The following CDYL variants were observed in gnomAD, a reference collection of about 807,000 sequenced individuals.
CDYL encodes chromodomain Y like.
CDYL carries 8 observed loss-of-function variants against 47.3 expected under a neutral mutation model. The ratio of observed to expected loss-of-function variants is 0.17; its 90% confidence interval spans 0.10 to 0.31. The LOEUF (loss-of-function observed/expected upper bound fraction) is 0.31, where lower values mean the gene tolerates loss of function less well. Among genes scored for constraint, CDYL ranks in the 10% least tolerant of loss-of-function variants. The pLI is 1.00. For synonymous variants in CDYL, 266 were observed against 265.0 expected (o/e 1.00, Z -0.04); for missense variants, 471 against 701.4 (o/e 0.67, Z 3.71).
rs61309141 is a variant in CDYL, at chr6:4,885,015, G to T, written c.25-6698G>T. Among the ~76,000 whole-genome samples the T allele has an allele frequency of 4.6e-5, 7 of 151,918 alleles. No individual in the cohort carries two copies. In the East Asian group the frequency reaches 1.2e-3, roughly 25 times the overall value. On this transcript the variant is annotated intron_variant, in intron 1 of 6. Coordinates refer to ENST00000397588, the MANE Select transcript of CDYL (RefSeq NM_004824.4). ...ATTTATAATTTTTTTTTTCTTTGAG[G>T]CAGGGTCCCACTCTGTCACCCAGTC...
In CDYL at chr6:4,872,150, T is replaced by C. The variant is rs541202485; in HGVS notation, c.25-19563T>C. Among the ~76,000 whole-genome samples the C allele has an allele frequency of 3.9e-5, 6 of 152,308 alleles. 1 individual carries two copies. Among genetic ancestry groups the C allele is most frequent in the African/African-American group, 1.4e-4 (6 of 41,572 alleles). On this transcript the variant is annotated intron_variant, in intron 1 of 6. Coordinates refer to ENST00000397588, the MANE Select transcript of CDYL (RefSeq NM_004824.4). ...GTGGATTTTATTCCTCTGGTGGAAA[T>C]ACTCATTCTTGTTAGCAGAGGGCTT... is the stretch of plus-strand genomic sequence containing the variant.
chr6:4,727,582 G>A (rs1224106870), intron 2 of CDYL, among the ~76,000 whole-genome samples: 1 of 81,276 alleles, frequency 1.2e-5, no homozygotes, highest in Non-Finnish European at 2.6e-5. Flanking sequence ...ACTATCCCCT[G>A]CCTCCCACCC....
chr6:4,801,503 T>C (rs1371452439), intron 1 of CDYL, among the ~76,000 whole-genome samples: 5 of 152,256 alleles, frequency 3.3e-5, no homozygotes, highest in African/African-American at 1.2e-4. Flanking sequence ...GTGTTTTTAT[T>C]GTAGCAGACT....
rs11969442 is a variant in CDYL, at chr6:4,819,210, G to A, written c.24+42403G>A. Among the ~76,000 whole-genome samples the A allele has an allele frequency of 4.4e-3, 620 of 142,098 alleles. 2 individuals carry two copies. The highest frequency in any genetic ancestry group is 0.015 in the African/African-American group (574 of 38,608). 93.2% of individuals were successfully genotyped at this position (142,098 alleles called of 152,430 possible). On this transcript the variant is annotated intron_variant, in intron 1 of 6. Coordinates refer to ENST00000397588, the MANE Select transcript of CDYL (RefSeq NM_004824.4). ...GCTCTTCACCAGTTTTTCATTTTTC[G>A]TGAATAGGGATGTTATTTATGTGCA...
rs116462510 is a variant in CDYL at position 4,785,873 on chromosome 6, G to A, written c.24+9066G>A. Among the ~76,000 whole-genome samples, 1,317 of 152,340 alleles carry A rather than the reference G, an allele frequency of 8.6e-3. 17 individuals carry two copies. The highest frequency in any genetic ancestry group is 0.03 in the African/African-American group (1,233 of 41,576). On this transcript the variant is annotated intron_variant, in intron 1 of 6. Coordinates refer to ENST00000397588, the MANE Select transcript of CDYL (RefSeq NM_004824.4). ...GTTAATAAGTTTGTTCATGAAGTTC[G>A]CTGAAGAGGGTAGCTGGTGATGGCA...
At chr6:4,941,277 G>A (rs1341408677) in intron 4 of CDYL, among the ~76,000 whole-genome samples, 1 of 152,258 alleles carries the variant, frequency 6.6e-6, no homozygotes, top group African/African-American at 2.4e-5. Context: ...ACCGTCCCAG[G>A]CTTGAAGGCA....
intron 2 of CDYL, among the ~76,000 whole-genome samples, chr6:4,907,724 G>A (rs531126916): frequency 6.6e-6 from 1 of 152,092 alleles, no homozygotes; most frequent in East Asian, 1.9e-4. Flanking sequence ...TCGCAAAACC[G>A]GATTTCAAAA....
At position 4,950,329 on chromosome 6, in the gene CDYL, C is replaced by T. The variant is rs768598908; in HGVS notation, c.1333-1937C>T. On this transcript the variant is annotated intron_variant, in intron 5 of 6. Coordinates refer to ENST00000397588, the MANE Select transcript of CDYL (RefSeq NM_004824.4). ...GCCTCCGCTGCCCAAGCTAAGGCTC[C>T]ACTAAGCTGGTCCTGAGAACATACT... 6.0e-4 allele frequency among the ~76,000 whole-genome samples: 92 copies of T among 152,256 alleles called. 1 individual carries two copies. Among genetic ancestry groups the T allele is most frequent in the Non-Finnish European group, 2.2e-4 (15 of 68,018 alleles).
intron 1 of CDYL, among the ~76,000 whole-genome samples, chr6:4,843,211 T>C (rs192875597): frequency 5.1e-4 from 78 of 152,344 alleles, no homozygotes; most frequent in African/African-American, 1.9e-3. Flanking sequence ...TTTTCCTTTA[T>C]AGGTTACCTG....
intron 3 of CDYL, among the ~76,000 whole-genome samples, chr6:4,737,617 G>A (rs1023829225): frequency 5.6e-4 from 83 of 149,118 alleles, no homozygotes; most frequent in Non-Finnish European, 9.4e-4. Context: ...GCAAAACTCC[G>A]TCTCAAAAAA....
At chr6:4,935,990 G>A (rs1192728318) in intron 3 of CDYL, among the ~76,000 whole-genome samples, 1 of 152,190 alleles carries the variant, frequency 6.6e-6, no homozygotes, top group Admixed American at 6.5e-5. Flanking sequence ...CCTGTGCTGA[G>A]TGTCCATCCC....
chr6:4,733,673 A>C (rs544199999), intron 2 of CDYL, among the ~76,000 whole-genome samples: 130 of 152,222 alleles, frequency 8.5e-4, no homozygotes, highest in African/African-American at 2.9e-3. Flanking sequence ...CAGGTATGAA[A>C]ATTTCAGTAA....
Position 4,740,399 on chromosome 6 carries a change from A to G in CDYL, c.186+5555A>G, listed in dbSNP as rs1561832411. Reference sequence around the variant, plus strand: ...CACAGCTGGGGCAGAGGGCGTTGCTACTAGAATGGAGAGTGTCGAGGCCAG... The same window carrying G: ...CACAGCTGGGGCAGAGGGCGTTGCTGCTAGAATGGAGAGTGTCGAGGCCAG... On this transcript the variant is annotated intron_variant, in intron 3 of 8. Coordinates refer to the CDYL transcript ENST00000328908. 2.6e-5 allele frequency among the ~76,000 whole-genome samples: 4 copies of G among 152,230 alleles called. No homozygotes were observed. In the East Asian group the frequency reaches 5.8e-4, roughly 22 times the overall value.
At chr6:4,790,057 T>C (rs1395854793) in intron 1 of CDYL, among the ~76,000 whole-genome samples, 1 of 152,128 alleles carries the variant, frequency 6.6e-6, no homozygotes, top group African/African-American at 2.4e-5. Flanking sequence ...GCTAGGCTGG[T>C]GTTGTGTGGA....
chr6:4,721,870 G>T (rs988854673), intron 2 of CDYL, among the ~76,000 whole-genome samples: 39 of 144,804 alleles, frequency 2.7e-4, no homozygotes, highest in African/African-American at 7.6e-4. Context: ...GTTTTTTGGG[G>T]TTTTTTTTTT....
intron 1 of CDYL, among the ~76,000 whole-genome samples, chr6:4,809,716 C>CCTTGGTGATAT (rs1759472074): frequency 2.0e-5 from 2 of 99,032 alleles, no homozygotes; most frequent in African/African-American, 1.2e-4. Context: ...CTTGGCGATA[C>CCTTGGTGATAT]TTTGTATGGT....
intron 1 of CDYL, among the ~76,000 whole-genome samples, chr6:4,854,163 C>T (rs1760936200): frequency 6.6e-6 from 1 of 152,214 alleles, no homozygotes; most frequent in Admixed American, 6.5e-5. Context: ...TTCTTTCAGT[C>T]AGCAGATAAG....
In CDYL at chr6:4,865,202, C is replaced by A. The variant is rs138115642; in HGVS notation, c.25-26511C>A. Among the ~76,000 whole-genome samples the A allele has an allele frequency of 2.0e-4, 31 of 152,300 alleles. No homozygotes were observed. In the East Asian group the frequency reaches 5.6e-3, roughly 27 times the overall value. On this transcript the variant is annotated intron_variant, in intron 1 of 6. Coordinates refer to ENST00000397588, the MANE Select transcript of CDYL (RefSeq NM_004824.4). ...CCTGGTCACCTGCTCCATCTTGAGT[C>A]ATCCCTGGTCACTGGCTCTGACCTG...
At chr6:4,894,834 C>CGT (rs71540834) in intron 2 of CDYL, among the ~76,000 whole-genome samples, 89,398 of 145,242 alleles carry the variant, frequency 0.62, 29,639 homozygotes, top group South Asian at 0.76. Context: ...CCACAAAAGT[C>CGT]GTGTGTGTGT....
Sources: allele counts gnomAD v4.1 joint callset (sites outside exome capture counted in the v4.1 genomes callset), GRCh38; gene constraint gnomAD v4.1.1; transcripts MANE v1.5; gene names NCBI Gene and HGNC (gene_info 2026-07-23, HGNC 2026-07-21).